RAPH1: variants seen among roughly 807,000 people sequenced by gnomAD.
RAPH1 encodes Ras association (RalGDS/AF-6) and pleckstrin homology domains 1, also known as ras-associated and pleckstrin homology domains-containing protein 1.
RAPH1 carries 18 observed loss-of-function variants against 88.1 expected under a neutral mutation model. The observed-to-expected ratio is 0.20, with a 90% confidence interval of 0.14 to 0.30. The LOEUF (loss-of-function observed/expected upper bound fraction) is 0.30. Ranked by LOEUF, RAPH1 falls within the 10% of genes least tolerant of loss-of-function variation. RAPH1 has a pLI of 1.00. For missense variants in RAPH1, 1,448 were observed against 1,543.2 expected, an observed-to-expected ratio of 0.94 and a Z score of 1.03; for synonymous variants, 587 against 559.0, an observed-to-expected ratio of 1.05 and a Z score of -0.71.
chr2:203,497,137 T>C (rs1186023296), intron 1 of RAPH1, among the ~76,000 whole-genome samples: 2 of 152,216 alleles, frequency 1.3e-5, no homozygotes, highest in African/African-American at 2.4e-5. Flanking sequence ...AGAGATTTCA[T>C]GAAGCACTGG....
intron 1 of RAPH1, among the ~76,000 whole-genome samples, chr2:203,509,282 A>G (rs755377518): frequency 7.2e-5 from 11 of 151,976 alleles, no homozygotes; most frequent in Non-Finnish European, 1.5e-4. Context: ...GTTGTTCTCA[A>G]ACCCCTGGCC....
At chr2:203,481,544 G>C (rs1687719456) in intron 4 of RAPH1, among the ~76,000 whole-genome samples, 1 of 145,256 alleles carries the variant, frequency 6.9e-6, no homozygotes, top group African/African-American at 2.5e-5. Flanking sequence ...TTGTTTTATA[G>C]CCCCTATTCA....
intron 4 of RAPH1, among the ~76,000 whole-genome samples, chr2:203,472,980 T>C (rs561883598): frequency 2.0e-5 from 3 of 152,250 alleles, no homozygotes; most frequent in Non-Finnish European, 2.9e-5. Flanking sequence ...GTAATCATTA[T>C]GGTTGGTGGT....
chr2:203,471,393 C>G (rs1385587180), intron 4 of RAPH1, among the ~76,000 whole-genome samples: 1 of 152,182 alleles, frequency 6.6e-6, no homozygotes, highest in African/African-American at 2.4e-5. Context: ...AGGCAGATCT[C>G]TTGAGGTCAG....
At chr2:203,472,434 G>A (rs1346839464) in intron 4 of RAPH1, among the ~76,000 whole-genome samples, 3 of 152,094 alleles carry the variant, frequency 2.0e-5, no homozygotes, top group Non-Finnish European at 2.9e-5. Flanking sequence ...GCCCAGCCAC[G>A]TTTCTTTACT....
chr2:203,440,770 G>C lies in RAPH1; in HGVS notation c.2420C>G (p.Thr807Ser), dbSNP rs2098502950. Residue 807 changes from threonine to serine, a missense_variant, in exon 14 of 14, where the codon ACT (threonine) becomes AGT (serine). Thr to Ser is a moderately conservative substitution (Grantham distance 58, BLOSUM62 1). Transcript: ENST00000319170. ...VVTQAAPPTPTPPVPPAKKQP... is the reference protein window; with the variant it reads ...VVTQAAPPTPSPPVPPAKKQP... Reference sequence around the variant, plus strand: ...CTTTTTTGCTGGGGGCACTGGAGGAGTAGGTGTGGGTGGTGCAGCTTGAGT... The same window carrying C: ...CTTTTTTGCTGGGGGCACTGGAGGACTAGGTGTGGGTGGTGCAGCTTGAGT... 4 of 1,610,998 alleles carry C rather than the reference G, an allele frequency of 2.5e-6. No homozygotes were observed. Among genetic ancestry groups the C allele is most frequent in the Non-Finnish European group, 3.4e-6 (4 of 1,179,050 alleles).
Position 203,437,030 on chromosome 2 carries a change from TCTC to T in RAPH1, c.*2404_*2406del, listed in dbSNP as rs1162606151. ...GCCACTGGACTGGGGTTAAAATGAG[TCTC>T]CTCCTCTAGCCTTACTCTCTTCCTG... On this transcript the variant is annotated 3_prime_UTR_variant, in exon 14 of 14. Coordinates refer to ENST00000319170, the MANE Select transcript of RAPH1 (RefSeq NM_213589.3). 3 of 142,520 alleles carry T rather than the reference TCTC, an allele frequency of 2.1e-5. No individual in the cohort carries two copies. The highest frequency in any genetic ancestry group is 2.0e-4 in the East Asian group (1 of 4,948). The allele number at this position is 142,520 out of a possible 1,614,324, so 8.8% of individuals were successfully genotyped here. A position where few individuals can be genotyped will look rare whatever the true frequency, so the allele number is the denominator to read the frequency against.
intron 1 of RAPH1, among the ~76,000 whole-genome samples, chr2:203,500,332 AG>A (rs1316208064): frequency 1.3e-5 from 2 of 152,220 alleles, no homozygotes; most frequent in Non-Finnish European, 2.9e-5. Context: ...AACATATACA[AG>A]GGTATAAAGA....
At chr2:203,447,897 T>A in intron 12 of RAPH1, 62 bp downstream of exon 12, 2 of 1,539,768 alleles carry the variant, frequency 1.3e-6, no homozygotes, top group Non-Finnish European at 1.8e-6. Context: ...AGGTCTACTA[T>A]CAGTCTCTAC....
rs114183607 is a variant in RAPH1 at position 203,441,703 on chromosome 2, G to A, written c.1777-290C>T. 1,368 of 1,306,646 alleles carry A rather than the reference G, an allele frequency of 1.0e-3. 16 individuals carry two copies. In the African/African-American group the frequency reaches 0.017, roughly 16 times the overall value. The allele number at this position is 1,306,646 out of a possible 1,614,324, so 80.9% of individuals were successfully genotyped here. A position where few individuals can be genotyped will look rare whatever the true frequency, so the allele number is the denominator to read the frequency against. ...TGCAAAAGCTGTTTGAATGGTGACA[G>A]GATGCATGACTTCTGACCTTGGCTG... On this transcript the variant is annotated intron_variant, in intron 13 of 13. Transcript: ENST00000319170.
At position 203,439,613 on chromosome 2, in the gene RAPH1, G is replaced by C. The variant is rs1486653392; in HGVS notation, c.3577C>G (p.Pro1193Ala). Residue 1193 changes from proline to alanine, a missense_variant, in exon 14 of 14, where the codon CCA (proline) becomes GCA (alanine). Coordinates refer to ENST00000319170, the MANE Select transcript of RAPH1 (RefSeq NM_213589.3). ...SLSSRMSRAEPTATMDDMALP... is the reference protein window; with the variant it reads ...SLSSRMSRAEATATMDDMALP... ...GCCATATCATCCATGGTGGCTGTTG[G>C]TTCTGCTCTGGACATGCGGGAGGAG... 1 of 1,614,120 alleles carries C rather than the reference G, an allele frequency of 6.2e-7. No homozygotes were observed. The highest frequency in any genetic ancestry group is 1.1e-5 in the South Asian group (1 of 91,082).
chr2:203,522,998 A>G (rs1689959805), intron 1 of RAPH1, among the ~76,000 whole-genome samples: 1 of 152,078 alleles, frequency 6.6e-6, no homozygotes, highest in South Asian at 2.1e-4. Flanking sequence ...CTAAATAATC[A>G]AGACAATGTA....
intron 1 of RAPH1, among the ~76,000 whole-genome samples, chr2:203,499,883 C>A (rs1688664276): frequency 6.6e-6 from 1 of 152,186 alleles, no homozygotes; most frequent in Non-Finnish European, 1.5e-5. Flanking sequence ...ACTAACCATA[C>A]ACATCAAATG....
At chr2:203,470,523 C>T (rs1220573911) in intron 4 of RAPH1, among the ~76,000 whole-genome samples, 1 of 152,188 alleles carries the variant, frequency 6.6e-6, no homozygotes. Flanking sequence ...ATCATCCGTG[C>T]CAGTAGGCGT....
intron 4 of RAPH1, among the ~76,000 whole-genome samples, chr2:203,475,453 T>TA (rs898552256): frequency 2.0e-5 from 3 of 151,956 alleles, no homozygotes; most frequent in East Asian, 1.9e-4. Flanking sequence ...ATCTACACTG[T>TA]AAAAAAAATC....
intron 4 of RAPH1, among the ~76,000 whole-genome samples, chr2:203,480,078 G>A (rs559665841): frequency 2.0e-5 from 3 of 152,318 alleles, no homozygotes; most frequent in African/African-American, 7.2e-5. Context: ...ATTACAAAGT[G>A]TTGCGCCATT....
intron 2 of RAPH1, among the ~76,000 whole-genome samples, chr2:203,493,971 C>CAAAAAAAAAA (rs397937732): frequency 1.1e-3 from 20 of 18,950 alleles, no homozygotes; most frequent in African/African-American, 1.5e-3. Flanking sequence ...GACTCTATCT[C>CAAAAAAAAAA]AAAAAAAAAA....
intron 10 of RAPH1, among the ~76,000 whole-genome samples, chr2:203,450,432 C>A (rs2098513899): frequency 6.6e-6 from 1 of 152,194 alleles, no homozygotes; most frequent in Non-Finnish European, 1.5e-5. Context: ...TTGGAATATG[C>A]TCCTTGTCCA....
intron 4 of RAPH1, among the ~76,000 whole-genome samples, chr2:203,464,398 A>T (rs2098526782): frequency 6.6e-6 from 1 of 152,186 alleles, no homozygotes; most frequent in Admixed American, 6.5e-5. Context: ...CAGCCTCCCA[A>T]GTAGCTGGGA....
Sources: allele counts gnomAD v4.1 joint callset (sites outside exome capture counted in the v4.1 genomes callset), GRCh38; gene constraint gnomAD v4.1.1; transcripts MANE v1.5; gene names NCBI Gene and HGNC (gene_info 2026-07-23, HGNC 2026-07-21).